CDCA2: variants seen among roughly 807,000 people sequenced by gnomAD.
CDCA2 encodes the protein cell division cycle-associated protein 2.
In CDCA2, 44 loss-of-function variants were observed where a neutral mutation model predicts 67.0. The observed-to-expected ratio is 0.66, with a 90% CI of 0.52 to 0.84. The LOEUF is 0.84. Ranked by LOEUF, CDCA2 falls within the 40% of genes least tolerant of loss-of-function variation. The pLI, the probability that CDCA2 is intolerant of heterozygous loss-of-function variation, is 0.00. For missense variants in CDCA2, 1,253 were observed against 1,203.2 expected (o/e 1.04, Z -0.61); for synonymous variants, 447 against 418.7 (o/e 1.07, Z -0.82).
rs1055681326 is a variant in CDCA2, at chr8:25,507,607, T to A, written c.2941T>A (p.Ser981Thr). 2.6e-5 allele frequency: 42 copies of A among 1,614,196 alleles called. No homozygotes were observed. The highest frequency in any genetic ancestry group is 3.5e-5 in the Non-Finnish European group (41 of 1,180,032). ...PGKRRKSFCI[S>T]TLANTKATSQ... ...TAAGAGGAGGAAGAGCTTTTGTATA[T>A]CTACACTTGCAAATACTAAAGCCAC... Residue 981 changes from serine (S) to threonine (T), a missense_variant, in exon 15 of 15, where the codon TCT becomes ACT. Physicochemically the swap from Ser to Thr is moderately conservative, Grantham distance 58. Coordinates refer to ENST00000330560, the MANE Select transcript of CDCA2 (RefSeq NM_152562.4).
At chr8:25,475,489 A>G (rs903072687) in intron 7 of CDCA2, among the ~76,000 whole-genome samples, 7 of 152,210 alleles carry the variant, frequency 4.6e-5, no homozygotes, top group Non-Finnish European at 1.0e-4. Flanking sequence ...ACTGCACTGG[A>G]GCCTGGGCGA....
chr8:25,479,735 T>C, intron 7 of CDCA2, 178 bp from the exon 8 acceptor site: 1 of 627,330 alleles, frequency 1.6e-6, no homozygotes, highest in Non-Finnish European at 2.8e-6. Context: ...CCGATGCTGC[T>C]TCTTTACCTC....
Position 25,503,256 on chromosome 8 carries a change from C to T in CDCA2, c.1672-117C>T, listed in dbSNP as rs1804543849. The T allele has an allele frequency of 5.2e-6, 4 of 763,364 alleles. No individual in the cohort carries two copies. The Admixed American group carries it at 9.6e-5, about 18-fold the overall frequency. The allele number at this position is 763,364 out of a possible 1,614,324, so 47.3% of individuals were successfully genotyped here. On this transcript the variant is annotated intron_variant, in intron 13 of 14. Coordinates refer to ENST00000330560, the MANE Select transcript of CDCA2 (RefSeq NM_152562.4). ...TGAGATTGTGCCACTGCACTCCAGC[C>T]TGGATGACAAAGTGAGACCCTGTCT...
intron 7 of CDCA2, among the ~76,000 whole-genome samples, chr8:25,475,754 T>G (rs1803323914): frequency 6.6e-6 from 1 of 152,156 alleles, no homozygotes; most frequent in African/African-American, 2.4e-5. Flanking sequence ...GCTGGCTGGT[T>G]TCTCTGGTGT....
chr8:25,460,164 C>T (rs112486802), intron 1 of CDCA2, 76 bp from the exon 2 acceptor site: 41 of 1,412,886 alleles, frequency 2.9e-5, no homozygotes, highest in African/African-American at 2.7e-4. Flanking sequence ...CAATTCAGTC[C>T]TGAATAAGGT....
chr8:25,486,001 C>T (rs1050188139), intron 11 of CDCA2, among the ~76,000 whole-genome samples, 164 bp downstream of exon 11: 18 of 152,184 alleles, frequency 1.2e-4, no homozygotes, highest in African/African-American at 4.1e-4. Flanking sequence ...ATTCATCCAT[C>T]CCTTTTCCAT....
At chr8:25,485,106 AAGC>A (rs58353675) in intron 10 of CDCA2, among the ~76,000 whole-genome samples, 60,693 of 151,146 alleles carry the variant, frequency 0.4, 12,603 homozygotes, top group African/African-American at 0.51. Flanking sequence ...GTTGCAGAAA[AAGC>A]AGCACACCAA....
intron 13 of CDCA2, among the ~76,000 whole-genome samples, chr8:25,493,273 A>G (rs2117534726): frequency 6.6e-6 from 1 of 152,332 alleles, no homozygotes; most frequent in East Asian, 1.9e-4. Flanking sequence ...CAAGATGTTG[A>G]CAGATAACTA....
chr8:25,487,817 C>T lies in CDCA2; in HGVS notation c.1533+483C>T, dbSNP rs532185414. Among the ~76,000 whole-genome samples the T allele has an allele frequency of 2.0e-5, 3 of 152,002 alleles. 1 individual carries two copies. In the South Asian group the frequency reaches 6.2e-4, roughly 32 times the overall value. On this transcript the variant is annotated intron_variant, in intron 12 of 14. Transcript: ENST00000330560. ...GTGTGTTTCTGATTTGATTTTAATT[C>T]TATTAGAAGAAAAATCTAGAAAGAT...
intron 7 of CDCA2, among the ~76,000 whole-genome samples, chr8:25,473,878 C>A (rs1390684093): frequency 6.6e-6 from 1 of 152,174 alleles, no homozygotes; most frequent in African/African-American, 2.4e-5. Flanking sequence ...ACAGTAGCTT[C>A]TTTGAGACTA....
intron 13 of CDCA2, among the ~76,000 whole-genome samples, chr8:25,489,384 C>T (rs890477723): frequency 2.6e-5 from 4 of 152,202 alleles, no homozygotes. Context: ...TTCAGATACA[C>T]CTGAAGTTCA....
intron 14 of CDCA2, 147 bp from the exon 15 acceptor site, chr8:25,506,363 A>G: frequency 1.6e-6 from 1 of 625,238 alleles, no homozygotes; most frequent in East Asian, 3.1e-5. Flanking sequence ...GGAGGATGAC[A>G]GAAGGGCAAG....
At chr8:25,461,664 C>G (rs1207866018) in intron 3 of CDCA2, among the ~76,000 whole-genome samples, 5 of 152,108 alleles carry the variant, frequency 3.3e-5, no homozygotes, top group Non-Finnish European at 7.4e-5. Context: ...CTGCATGTAC[C>G]TAGGTGGAGA....
At chr8:25,492,834 G>A (rs1252821578) in intron 13 of CDCA2, among the ~76,000 whole-genome samples, 1 of 152,244 alleles carries the variant, frequency 6.6e-6, no homozygotes, top group East Asian at 1.9e-4. Flanking sequence ...GTTAATAGCA[G>A]AAGGTGAAAA....
chr8:25,504,486 A>G (rs1471517189), intron 14 of CDCA2, among the ~76,000 whole-genome samples: 2 of 152,142 alleles, frequency 1.3e-5, no homozygotes, highest in East Asian at 1.9e-4. Flanking sequence ...ATCATTTTTC[A>G]AATGGCTACC....
In CDCA2 at chr8:25,503,496, G is replaced by A; in HGVS notation, c.1795G>A (p.Val599Ile). The change falls in exon 14 of 15, where the codon GTC becomes ATC. Residue 599 changes from valine to isoleucine, a missense_variant. Transcript: ENST00000330560. ...CAGTCCTATTCCCGAGCTGCCTGAA[G>A]TCCCTGAGATGACACCTTCCATTCC... ...LLSPIPELPE[V>I]PEMTPSIPSI... The A allele has an allele frequency of 6.2e-7, 1 of 1,614,080 alleles. No individual in the cohort carries two copies. The highest frequency in any genetic ancestry group is 8.5e-7 in the Non-Finnish European group (1 of 1,179,992).
At chr8:25,503,586 C>T (rs1804561385) in intron 14 of CDCA2, 42 bp downstream of exon 14, 2 of 1,545,090 alleles carry the variant, frequency 1.3e-6, no homozygotes, top group Non-Finnish European at 1.7e-6. Flanking sequence ...TATCTTTTCT[C>T]TTCACCCTCT....
rs139757649 is a variant in CDCA2 at position 25,487,600 on chromosome 8, G to A, written c.1533+266G>A. On this transcript the variant is annotated intron_variant, in intron 12 of 14. Transcript: ENST00000330560. ...ACTAGAAATACCAAAAAAATTAGCCGGACGTGGTGGTGGACGCCTGTAGTC... is the reference window on the plus strand; with the variant it reads ...ACTAGAAATACCAAAAAAATTAGCCAGACGTGGTGGTGGACGCCTGTAGTC... 5.6e-3 allele frequency among the ~76,000 whole-genome samples: 852 copies of A among 152,126 alleles called. 12 individuals carry two copies. The highest frequency in any genetic ancestry group is 0.02 in the African/African-American group (821 of 41,502).
chr8:25,478,884 G>GTATATATATA, intron 7 of CDCA2, among the ~76,000 whole-genome samples: 1 of 117,570 alleles, frequency 8.5e-6, no homozygotes, highest in South Asian at 2.6e-4. Flanking sequence ...CTTGTTGTGT[G>GTATATATATA]TGTGTATATA....
Sources: allele counts gnomAD v4.1 joint callset (sites outside exome capture counted in the v4.1 genomes callset), GRCh38; gene constraint gnomAD v4.1.1; transcripts MANE v1.5; gene names NCBI Gene and HGNC (gene_info 2026-07-23, HGNC 2026-07-21).